SUMF1: variants seen among roughly 807,000 people sequenced by gnomAD.
SUMF1 encodes sulfatase modifying factor 1.
Under a neutral mutation model 47.6 loss-of-function variants are expected in SUMF1, and 48 were observed. The observed-to-expected ratio is 1.01, with a 90% CI of 0.80 to 1.28. SUMF1 has a LOEUF of 1.28. Ranked by LOEUF, SUMF1 falls within the 50% of genes most tolerant of loss-of-function variation. The pLI, the probability that SUMF1 is intolerant of heterozygous loss-of-function variation, is 0.00. For missense variants in SUMF1, 571 were observed against 485.4 expected (o/e 1.18, Z -1.66); for synonymous variants, 230 against 192.1 (o/e 1.20, Z -1.63).
At chr3:4,286,533 G>C (rs1416160569) in intron 8 of SUMF1, among the ~76,000 whole-genome samples, 1 of 152,104 alleles carries the variant, frequency 6.6e-6, no homozygotes, top group South Asian at 2.1e-4. Context: ...AAAATGATGA[G>C]TAAAATGGTG....
chr3:4,407,539 C>T lies in SUMF1; in HGVS notation c.954+3326G>A, dbSNP rs60567309. The stretch of plus-strand genomic sequence containing the variant: ...GAGTCTGGACAGTCACCAAACTCCC[C>T]CAATTCCATATATCTGGAATTGGTA... On this transcript the variant is annotated intron_variant, in intron 7 of 8. Transcript: ENST00000272902. 3.6e-3 allele frequency among the ~76,000 whole-genome samples: 546 copies of T among 152,238 alleles called. 3 individuals carry two copies. The highest frequency in any genetic ancestry group is 0.013 in the African/African-American group (522 of 41,544).
chr3:4,202,323 C>G (rs1470262303), intron 8 of SUMF1, among the ~76,000 whole-genome samples: 2 of 151,872 alleles, frequency 1.3e-5, no homozygotes, highest in Non-Finnish European at 2.9e-5. Flanking sequence ...TCTGCATATG[C>G]ATATCCAGTT....
At chr3:4,164,474 T>C (rs999722004) in intron 8 of SUMF1, among the ~76,000 whole-genome samples, 1 of 152,144 alleles carries the variant, frequency 6.6e-6, no homozygotes, top group African/African-American at 2.4e-5. Context: ...CGCCTTCCAG[T>C]GATTGCCTTG....
intron 8 of SUMF1, chr3:4,313,540 C>T (rs1433937746): frequency 9.3e-6 from 15 of 1,613,880 alleles, no homozygotes; most frequent in Non-Finnish European, 1.3e-5. Context: ...AGGAAGATAT[C>T]TTAATCTAAC....
chr3:4,357,709 A>G (rs1049704204), downstream of SUMF1, among the ~76,000 whole-genome samples: 3 of 151,798 alleles, frequency 2.0e-5, no homozygotes, highest in Admixed American at 1.3e-4. Context: ...CCCGACTTCA[A>G]TTGATTCTCC....
intron 8 of SUMF1, among the ~76,000 whole-genome samples, chr3:4,251,371 T>C (rs1308033161): frequency 6.6e-6 from 1 of 152,232 alleles, no homozygotes; most frequent in East Asian, 1.9e-4. Flanking sequence ...TGAGATGGAA[T>C]CTACTCCTGG....
At chr3:4,382,336 G>GCACA (rs1553566047) in intron 7 of SUMF1, among the ~76,000 whole-genome samples, 5 of 149,454 alleles carry the variant, frequency 3.3e-5, no homozygotes, top group Non-Finnish European at 6.0e-5. Flanking sequence ...ACACATACAT[G>GCACA]CACACACACA....
chr3:4,099,535 A>G (rs1172177593), intron 8 of SUMF1, among the ~76,000 whole-genome samples: 5 of 152,088 alleles, frequency 3.3e-5, no homozygotes, highest in African/African-American at 7.3e-5. Context: ...AATGCTTTCC[A>G]TCTAAGATCA....
At chr3:4,346,056 T>C (rs1699366962) in intron 8 of SUMF1, among the ~76,000 whole-genome samples, 1 of 152,128 alleles carries the variant, frequency 6.6e-6, no homozygotes, top group Admixed American at 6.5e-5. Flanking sequence ...CAAAGAGACT[T>C]AGACTCCCAC....
intron 9 of SUMF1, among the ~76,000 whole-genome samples, chr3:4,045,884 G>A (rs1012108283): frequency 2.6e-5 from 4 of 152,152 alleles, no homozygotes; most frequent in African/African-American, 9.7e-5. Context: ...GGACATGACT[G>A]AGATAAAGAA....
intron 7 of SUMF1, among the ~76,000 whole-genome samples, chr3:4,402,957 G>C (rs551586833): frequency 3.9e-5 from 6 of 152,158 alleles, no homozygotes; most frequent in Non-Finnish European, 5.9e-5. Context: ...CAAGCTTAAC[G>C]GGAACCATCA....
chr3:4,463,214 G>A (rs114563726), intron 1 of SUMF1, among the ~76,000 whole-genome samples: 2,823 of 152,308 alleles, frequency 0.019, 77 homozygotes, highest in African/African-American at 0.064. Flanking sequence ...CATTAGGGCT[G>A]GGCGCGGTGG....
chr3:4,429,620 C>T (rs1702173699), intron 3 of SUMF1, among the ~76,000 whole-genome samples: 1 of 152,198 alleles, frequency 6.6e-6, no homozygotes, highest in South Asian at 2.1e-4. Context: ...GACAGGGGCT[C>T]TTGTTGCAAA....
At chr3:4,132,222 T>C (rs1277782371) in intron 8 of SUMF1, among the ~76,000 whole-genome samples, 4 of 152,154 alleles carry the variant, frequency 2.6e-5, no homozygotes, top group African/African-American at 9.7e-5. Context: ...ACGCCTCACC[T>C]ACCATCATGG....
chr3:4,249,986 C>T (rs1357342217), intron 8 of SUMF1, among the ~76,000 whole-genome samples: 1 of 152,094 alleles, frequency 6.6e-6, no homozygotes, highest in Admixed American at 6.5e-5. Flanking sequence ...GAGTTTGAGA[C>T]CAGCCTGGCC....
At chr3:4,316,033 C>T (rs184648190) in intron 8 of SUMF1, among the ~76,000 whole-genome samples, 1,547 of 119,232 alleles carry the variant, frequency 0.013, 35 homozygotes, top group African/African-American at 0.051. Context: ...GGTGACAGAG[C>T]GAGACTCTGT....
chr3:4,429,326 T>C (rs981748755), intron 3 of SUMF1, among the ~76,000 whole-genome samples: 13 of 152,240 alleles, frequency 8.5e-5, no homozygotes, highest in African/African-American at 2.7e-4. Flanking sequence ...CTTAGGTTCC[T>C]TACATTGCTA....
At chr3:4,156,727 T>C (rs1032466539) in intron 8 of SUMF1, among the ~76,000 whole-genome samples, 4 of 151,738 alleles carry the variant, frequency 2.6e-5, no homozygotes, top group African/African-American at 9.8e-5. Flanking sequence ...TTTAATAGAC[T>C]ATAGAAAAGC....
chr3:4,253,993 G>C (rs748545740), intron 8 of SUMF1, among the ~76,000 whole-genome samples: 1 of 150,206 alleles, frequency 6.7e-6, no homozygotes, highest in African/African-American at 2.5e-5. Context: ...GCACCCCCCA[G>C]CAAGGGCACA....
Sources: gnomAD v4.1 joint callset for allele counts (sites outside exome capture counted in the v4.1 genomes callset) on GRCh38, gnomAD v4.1.1 for gene constraint, MANE v1.5 for transcripts, NCBI Gene and HGNC (gene_info 2026-07-23, HGNC 2026-07-21) for gene names.